The following HOXC4 variants were observed in gnomAD, a reference collection of about 807,000 sequenced individuals.
HOXC4 encodes homeobox protein Hox-C4.
Under a neutral mutation model 25.5 loss-of-function variants are expected in HOXC4, and 15 were observed. The ratio of observed to expected loss-of-function variants is 0.59; its 90% CI spans 0.39 to 0.91. The LOEUF is 0.91. Ranked by LOEUF, HOXC4 falls within the 40% of genes least tolerant of loss-of-function variation. The pLI is 0.00. For missense variants in HOXC4, 342 were observed against 352.4 expected, an observed-to-expected ratio of 0.97 and a Z score of 0.24; for synonymous variants, 165 against 148.0, an observed-to-expected ratio of 1.11 and a Z score of -0.83.
intron 1 of HOXC4, among the ~76,000 whole-genome samples, chr12:54,029,366 C>T (rs959193683): frequency 3.3e-5 from 5 of 150,662 alleles, no homozygotes; most frequent in African/African-American, 1.2e-4. Flanking sequence ...CAAAAATCTG[C>T]TTTTAGACTT....
intron 1 of HOXC4, among the ~76,000 whole-genome samples, chr12:54,047,250 A>G (rs1264613272): frequency 6.6e-6 from 1 of 152,254 alleles, no homozygotes; most frequent in Non-Finnish European, 1.5e-5. Context: ...CCAGGCCTGA[A>G]GGGATAACCC....
chr12:54,021,527 C>T (rs1412990794), intron 1 of HOXC4: 1 of 152,196 alleles, frequency 6.6e-6, no homozygotes, highest in African/African-American at 2.4e-5. Context: ...TGGAAAACCC[C>T]ATAAAAGAAA....
chr12:54,054,986 G>T lies in HOXC4; in HGVS notation c.576G>T (p.Ser192=). 6.2e-7 allele frequency: 1 copy of T among 1,614,068 alleles called. No homozygotes were observed. The highest frequency in any genetic ancestry group is 8.5e-7 in the Non-Finnish European group (1 of 1,180,028). ...GGAGAAGGATCGAGATCGCCCACTCGCTGTGCCTCTCTGAGAGGCAGATCA... is the reference window on the plus strand; with the variant it reads ...GGAGAAGGATCGAGATCGCCCACTCTCTGTGCCTCTCTGAGAGGCAGATCA... ...TRRRRIEIAH[S]LCLSERQIKI... is the part of the protein sequence containing the mutation. The change falls in exon 2 of 2, where the codon TCG becomes TCT. Residue 192 remains serine, a synonymous_variant. Transcript: ENST00000430889.
chr12:54,020,634 G>A (rs2136418883), intron 1 of HOXC4: 1 of 152,240 alleles, frequency 6.6e-6, no homozygotes, highest in Non-Finnish European at 1.5e-5. Flanking sequence ...ATATTACCAT[G>A]CCTATATTCG....
At chr12:54,039,147 C>T (rs1941231524) in intron 1 of HOXC4, among the ~76,000 whole-genome samples, 1 of 152,074 alleles carries the variant, frequency 6.6e-6, no homozygotes, top group African/African-American at 2.4e-5. Flanking sequence ...GGTGCAACTC[C>T]TCCAGGCTGG....
At chr12:54,017,792 A>T (rs1049405842) in intron 1 of HOXC4, among the ~76,000 whole-genome samples, 1 of 152,142 alleles carries the variant, frequency 6.6e-6, no homozygotes, top group Admixed American at 6.5e-5. Context: ...GCGGAACTGG[A>T]AGCTCAAGCT....
intron 1 of HOXC4, among the ~76,000 whole-genome samples, chr12:54,027,165 T>TC (rs1331747552): frequency 6.6e-6 from 1 of 152,254 alleles, no homozygotes; most frequent in Non-Finnish European, 1.5e-5. Flanking sequence ...AGCTGCCTTT[T>TC]CGTAACCGTC....
At chr12:54,033,981 C>T in intron 1 of HOXC4, 2 of 552,112 alleles carry the variant, frequency 3.6e-6, no homozygotes, top group South Asian at 3.4e-5. Context: ...GTCCCCGGTG[C>T]TCGGATCTCG....
At chr12:54,054,575 C>T (rs867029285) in intron 1 of HOXC4, among the ~76,000 whole-genome samples, 3 of 151,974 alleles carry the variant, frequency 2.0e-5, no homozygotes, top group Non-Finnish European at 4.4e-5. Context: ...CTGGGCAGTC[C>T]GAGCCATGTG....
chr12:54,031,217 G>C (rs967655596), intron 1 of HOXC4, among the ~76,000 whole-genome samples: 5 of 152,208 alleles, frequency 3.3e-5, no homozygotes, highest in African/African-American at 4.8e-5. Context: ...AGGCACCAGG[G>C]TCTCCTCCAC....
chr12:54,034,591 G>T, intron 1 of HOXC4: 1 of 998,910 alleles, frequency 1.0e-6, no homozygotes, highest in Non-Finnish European at 1.5e-6. Context: ...TCGGGGGCAG[G>T]TGCTGGAGCA....
At chr12:54,039,031 G>A (rs931465114) in intron 1 of HOXC4, among the ~76,000 whole-genome samples, 33 of 152,184 alleles carry the variant, frequency 2.2e-4, no homozygotes, top group African/African-American at 7.5e-4. Flanking sequence ...GTGCGTCACC[G>A]GGAGCTAAGC....
At chr12:54,017,528 G>A (rs1940208638) in intron 1 of HOXC4, 1 of 152,046 alleles carries the variant, frequency 6.6e-6, no homozygotes, top group South Asian at 2.1e-4. Context: ...CGAGAGGGTG[G>A]GCGCGTAGTT....
chr12:54,046,156 T>G (rs1937699590), intron 1 of HOXC4, among the ~76,000 whole-genome samples: 1 of 151,466 alleles, frequency 6.6e-6, no homozygotes, highest in African/African-American at 2.4e-5. Flanking sequence ...AGGTTCCTCC[T>G]CCCCAGTTGT....
chr12:54,019,312 C>A (rs1257813368), intron 1 of HOXC4, among the ~76,000 whole-genome samples: 1 of 152,106 alleles, frequency 6.6e-6, no homozygotes, highest in Non-Finnish European at 1.5e-5. Flanking sequence ...GCTCAGGCTG[C>A]CGCGCGCTCT....
At chr12:54,040,638 G>C (rs922039260) in intron 1 of HOXC4, among the ~76,000 whole-genome samples, 6 of 152,216 alleles carry the variant, frequency 3.9e-5, no homozygotes, top group Non-Finnish European at 7.3e-5. Context: ...AATTTTCTGG[G>C]TGTTGTAGTT....
rs1229378768 is a variant in HOXC4 at position 54,028,881 on chromosome 12, C to G, written c.-124+11467C>G. On this transcript the variant is annotated intron_variant, in intron 1 of 3. Transcript: ENST00000303406. ...CGCCCCAGGACCAGAAAGCCAGTAT[C>G]CAGATTTACCCCTGGATGCAGCGAA... 7 of 1,613,226 alleles carry G rather than the reference C, an allele frequency of 4.3e-6. No homozygotes were observed. In the East Asian group the frequency reaches 1.6e-4, roughly 36 times the overall value.
chr12:54,034,044 C>G (rs927750242), intron 1 of HOXC4: 5 of 699,438 alleles, frequency 7.1e-6, no homozygotes, highest in South Asian at 1.5e-5. Flanking sequence ...CCCCAACCCC[C>G]CCTCAGCCCC....
At chr12:54,045,473 A>G (rs1395506438) in intron 1 of HOXC4, among the ~76,000 whole-genome samples, 1 of 152,208 alleles carries the variant, frequency 6.6e-6, no homozygotes, top group Admixed American at 6.5e-5. Context: ...TGTGTGTTCA[A>G]TGTCTATTTT....
Sources: gnomAD v4.1 joint callset for allele counts (sites outside exome capture counted in the v4.1 genomes callset) on GRCh38, gnomAD v4.1.1 for gene constraint, MANE v1.5 for transcripts, NCBI Gene and HGNC (gene_info 2026-07-23, HGNC 2026-07-21) for gene names.